The following DYSF variants were observed in gnomAD, a reference collection of about 807,000 sequenced individuals.
DYSF encodes the protein dysferlin.
Under a neutral mutation model 274.9 loss-of-function variants are expected in DYSF, and 212 were observed. The ratio of observed to expected loss-of-function variants is 0.77; its 90% CI spans 0.69 to 0.86. DYSF has a LOEUF of 0.86. Among genes scored for constraint, DYSF ranks in the 40% least tolerant of loss-of-function variants. The pLI is 0.00. For synonymous variants in DYSF, 1,091 were observed against 1,078.7 expected, an observed-to-expected ratio of 1.01 and a Z score of -0.22; for missense variants, 2,666 against 2,783.2, an observed-to-expected ratio of 0.96 and a Z score of 0.95.
chr2:71,530,153 T>C (rs1263498665), intron 14 of DYSF, among the ~76,000 whole-genome samples: 1 of 145,570 alleles, frequency 6.9e-6, no homozygotes, highest in Non-Finnish European at 1.6e-5. Flanking sequence ...GCGCCTGGCA[T>C]CAGGAGGAAT....
In DYSF at chr2:71,643,495, G is replaced by A. The variant is rs77977293; in HGVS notation, c.4528-470G>A. ...ATTGCCTGGGTAGGGAGGCAGATGG[G>A]CAGAATAGATAAAACTCTTTTGGGT... is the stretch of plus-strand genomic sequence containing the variant. On this transcript the variant is annotated intron_variant, in intron 41 of 55. Transcript: ENST00000410020. Among the ~76,000 whole-genome samples, 222 of 152,256 alleles carry A rather than the reference G, an allele frequency of 1.5e-3. 1 individual carries two copies. Among genetic ancestry groups the A allele is most frequent in the South Asian group, 7.9e-3 (38 of 4,822 alleles).
At chr2:71,536,513 T>A (rs2089354925) in intron 16 of DYSF, among the ~76,000 whole-genome samples, 1 of 152,266 alleles carries the variant, frequency 6.6e-6, no homozygotes, top group African/African-American at 2.4e-5. Context: ...TCTCCATGTG[T>A]GCCGCTCTGA....
At chr2:71,663,220 G>A (rs2094934009) in intron 45 of DYSF, among the ~76,000 whole-genome samples, 1 of 152,206 alleles carries the variant, frequency 6.6e-6, no homozygotes, top group African/African-American at 2.4e-5. Context: ...TCTGGACCAC[G>A]GATGTTGAAA....
rs2152795937 is a variant in DYSF at position 71,555,949 on chromosome 2, C to T, written c.2110-16C>T. ...CCTGTGGTGACACACCTGACCCTTG[C>T]CTGCCCATTCCACAGGAAGCTGGCC... On this transcript the variant is annotated splice_polypyrimidine_tract_variant and intron_variant, in intron 21 of 55. Coordinates refer to ENST00000410020, the MANE Select transcript of DYSF (RefSeq NM_001130987.2). The T allele has an allele frequency of 1.3e-6, 2 of 1,551,832 alleles. No individual in the cohort carries two copies. Among genetic ancestry groups the T allele is most frequent in the Non-Finnish European group, 1.7e-6 (2 of 1,146,038 alleles).
intron 53 of DYSF, among the ~76,000 whole-genome samples, chr2:71,680,133 G>A (rs777789831): frequency 6.6e-6 from 1 of 152,132 alleles, no homozygotes; most frequent in Non-Finnish European, 1.5e-5. Context: ...ACAATATATT[G>A]TTATAAAAGT....
intron 30 of DYSF, among the ~76,000 whole-genome samples, chr2:71,582,651 A>G (rs1408702582): frequency 6.6e-5 from 10 of 152,186 alleles, no homozygotes. Flanking sequence ...TTTAACAACC[A>G]GGTCTCCAGA....
intron 14 of DYSF, among the ~76,000 whole-genome samples, chr2:71,531,248 C>T (rs80110340): frequency 6.6e-6 from 1 of 151,910 alleles, no homozygotes; most frequent in Non-Finnish European, 1.5e-5. Flanking sequence ...TGTTACCTCC[C>T]CTCTTCCCAC....
At chr2:71,577,070 G>C (rs1479865924) in intron 30 of DYSF, 1 of 152,788 alleles carries the variant, frequency 6.5e-6, no homozygotes. Context: ...GGAGGCGGTG[G>C]CTTCAGAGGG....
chr2:71,591,685 G>C (rs1016745626), intron 32 of DYSF, among the ~76,000 whole-genome samples: 1 of 152,254 alleles, frequency 6.6e-6, no homozygotes, highest in East Asian at 1.9e-4. Flanking sequence ...GTTTGGTTGA[G>C]TAGAACTGAG....
chr2:71,614,962 C>T (rs2093850138), intron 40 of DYSF, among the ~76,000 whole-genome samples: 2 of 152,076 alleles, frequency 1.3e-5, no homozygotes, highest in African/African-American at 4.8e-5. Context: ...ATAATTTGCC[C>T]CAAACTCTGG....
intron 48 of DYSF, 95 bp from the exon 49 acceptor site, chr2:71,668,659 C>T: frequency 1.6e-6 from 2 of 1,234,086 alleles, no homozygotes; most frequent in Non-Finnish European, 2.3e-6. Context: ...CTGGGTTTCT[C>T]TGTTCTGTGC....
rs1382503938 is a variant in DYSF, at chr2:71,517,022, C to G, written c.985C>G (p.Leu329Val). Residue 329 changes from leucine to valine, a missense_variant, in exon 10 of 56, where the codon CTC becomes GTC. Around this residue, in one of 3 missense-constraint regions of DYSF, gnomAD observed 794 missense variants for 777.1 expected, o/e 1.02. Transcript: ENST00000410020. The stretch of plus-strand genomic sequence containing the variant: ...CTCTCGTTCTCTCAGGACAGATGCT[C>G]TCCTCGGGGAGTTCCGGGTAATTGC... ...VDSRSLRTDA[L>V]LGEFRMDVGT... is the part of the protein sequence containing the mutation. 3.1e-6 allele frequency: 5 copies of G among 1,614,182 alleles called. No individual in the cohort carries two copies. The highest frequency in any genetic ancestry group is 4.5e-5 in the East Asian group (2 of 44,880).
rs781281030 is a variant in DYSF at position 71,535,011 on chromosome 2, T to C, written c.1381-10T>C. The C allele has an allele frequency of 6.2e-7, 1 of 1,614,096 alleles. No individual in the cohort carries two copies. The highest frequency in any genetic ancestry group is 8.5e-7 in the Non-Finnish European group (1 of 1,179,930). ...GCTTGATCAACTTGTCCCCTCCCTG[T>C]GTCTTCTAGCTGTGCAGCAAGATCT... On this transcript the variant is annotated splice_polypyrimidine_tract_variant and intron_variant, in intron 14 of 55. Coordinates refer to ENST00000410020, the MANE Select transcript of DYSF (RefSeq NM_001130987.2).
chr2:71,470,567 G>A lies in DYSF; in HGVS notation c.91+3634G>A, dbSNP rs989669752. On this transcript the variant is annotated intron_variant, in intron 1 of 55. Coordinates refer to ENST00000410020, the MANE Select transcript of DYSF (RefSeq NM_001130987.2). ...TGGGTGCCTGTAGTCCCAGCTACTC[G>A]GGAGGCTGAGGCAGGAGAATGGCAT... 1.0e-3 allele frequency among the ~76,000 whole-genome samples: 153 copies of A among 150,654 alleles called. 1 individual carries two copies. Among genetic ancestry groups the A allele is most frequent in the African/African-American group, 3.6e-3 (147 of 41,040 alleles).
intron 14 of DYSF, among the ~76,000 whole-genome samples, chr2:71,534,757 A>G (rs2089133202): frequency 6.6e-6 from 1 of 152,138 alleles, no homozygotes; most frequent in Non-Finnish European, 1.5e-5. Flanking sequence ...GTGTGAGTTA[A>G]GGGTAGAAGG....
intron 1 of DYSF, among the ~76,000 whole-genome samples, chr2:71,471,466 G>T (rs2082028286): frequency 6.6e-6 from 1 of 152,144 alleles, no homozygotes; most frequent in East Asian, 1.9e-4. Flanking sequence ...ACAGTGCAAG[G>T]GGAGGTCCCC....
In DYSF at chr2:71,515,709, G is replaced by A. The variant is rs1176128443; in HGVS notation, c.846G>A (p.Lys282=). Residue 282 remains lysine (K), a synonymous_variant, in exon 8 of 56, where the codon AAG becomes AAA. Coordinates refer to ENST00000410020, the MANE Select transcript of DYSF (RefSeq NM_001130987.2). ...AGGTTACCGCTGCAGGGCAGACCAAGCGGACGCGGATCCACAAGGGAAACA... is the reference window on the plus strand; with the variant it reads ...AGGTTACCGCTGCAGGGCAGACCAAACGGACGCGGATCCACAAGGGAAACA... ...VVKVTAAGQT[K]RTRIHKGNSP... 6.2e-6 allele frequency: 10 copies of A among 1,614,180 alleles called. No individual in the cohort carries two copies. The African/African-American group carries it at 1.1e-4, about 17-fold the overall frequency.
intron 11 of DYSF, 129 bp downstream of exon 11, chr2:71,520,337 G>A (rs1573699088): frequency 1.9e-6 from 2 of 1,051,300 alleles, no homozygotes; most frequent in Non-Finnish European, 3.0e-6. Flanking sequence ...GATCTTGGGA[G>A]AGAAAGCAGG....
Position 71,600,796 on chromosome 2 carries a change from C to T in DYSF, c.3851C>T (p.Pro1284Leu), listed in dbSNP as rs761916273. The T allele has an allele frequency of 7.4e-6, 12 of 1,613,392 alleles. No individual in the cohort carries two copies. The highest frequency in any genetic ancestry group is 1.6e-4 in the Middle Eastern group (1 of 6,084). ...TTCCCACTGACGAGGGGCAGCCAGC[C>T]GTCGGGGGAGCTGCTGGCCTCTTTT... The part of the protein sequence containing the change: ...AWFPLTRGSQ[P>L]SGELLASFEL... Residue 1284 changes from proline to leucine, a missense_variant, in exon 34 of 56, where the codon CCG (proline) becomes CTG (leucine). By Grantham distance (98) the Pro-to-Leu change is moderately conservative (BLOSUM62 -3). Around this residue, in one of 3 missense-constraint regions of DYSF, gnomAD observed 1,460 missense variants for 1,502.1 expected, o/e 0.97. Transcript: ENST00000410020.
Sources: gnomAD v4.1 joint callset for allele counts (sites outside exome capture counted in the v4.1 genomes callset) on GRCh38, gnomAD v4.1.1 for gene constraint, gnomAD v4.1.1 regional missense constraint, MANE v1.5 for transcripts, NCBI Gene and HGNC (gene_info 2026-07-23, HGNC 2026-07-21) for gene names.